TOR1AIP1: variants seen among roughly 807,000 people sequenced by gnomAD.
TOR1AIP1 encodes torsin 1A interacting protein 1.
In TOR1AIP1, 54 loss-of-function variants were observed where a neutral mutation model predicts 63.3. The observed-to-expected ratio is 0.85, with a 90% CI of 0.69 to 1.07. The LOEUF (loss-of-function observed/expected upper bound fraction) is 1.07. TOR1AIP1 is among the 50% of genes least tolerant of loss of function. The probability of loss-of-function intolerance (pLI) is 0.00; values close to 1 mark genes in which losing one functional copy is unlikely to be tolerated. For synonymous variants in TOR1AIP1, 294 were observed against 273.5 expected, an observed-to-expected ratio of 1.07 and a Z score of -0.74; for missense variants, 736 against 715.0, an observed-to-expected ratio of 1.03 and a Z score of -0.33.
At chr1:179,914,286 A>G (rs1648924300) in intron 9 of TOR1AIP1, among the ~76,000 whole-genome samples, 1 of 152,244 alleles carries the variant, frequency 6.6e-6, no homozygotes, top group African/African-American at 2.4e-5. Context: ...GACCAAAAAT[A>G]ATAGCTAAAA....
intron 8 of TOR1AIP1, among the ~76,000 whole-genome samples, chr1:179,910,894 A>G (rs374255555): frequency 8.5e-5 from 13 of 152,238 alleles, no homozygotes; most frequent in Non-Finnish European, 4.4e-5. Context: ...AGACACTGCA[A>G]TAGAGAAGGA....
intron 3 of TOR1AIP1, among the ~76,000 whole-genome samples, chr1:179,894,425 G>T (rs1648202029): frequency 6.6e-6 from 1 of 151,262 alleles, no homozygotes; most frequent in Non-Finnish European, 1.5e-5. Context: ...GGTGGCTCAT[G>T]CCTGTAATCC....
chr1:179,914,398 G>A (rs1349144569), intron 9 of TOR1AIP1, among the ~76,000 whole-genome samples: 3 of 152,202 alleles, frequency 2.0e-5, no homozygotes, highest in African/African-American at 7.2e-5. Context: ...TTCGGAGTCT[G>A]CAAACCTGTA....
chr1:179,918,014 C>T lies in TOR1AIP1; in HGVS notation c.1527C>T (p.Val509=), dbSNP rs1649078439. The part of the protein sequence containing the change: ...ENAAFKDVAL[V]LTVLLEEETL... Reference sequence around the variant, plus strand: ...CGGCCTTCAAAGATGTAGCCTTAGTCCTGACTGTCTTATTGGAGGAAGAGA... The same window carrying T: ...CGGCCTTCAAAGATGTAGCCTTAGTTCTGACTGTCTTATTGGAGGAAGAGA... Residue 509 remains valine, a synonymous_variant, in exon 10 of 10, where the codon GTC becomes GTT. Transcript: ENST00000606911. 1 of 1,614,188 alleles carries T rather than the reference C, an allele frequency of 6.2e-7. No homozygotes were observed. The highest frequency in any genetic ancestry group is 1.1e-5 in the South Asian group (1 of 91,080).
intron 9 of TOR1AIP1, among the ~76,000 whole-genome samples, chr1:179,914,576 A>G (rs1217583115): frequency 2.4e-4 from 36 of 152,200 alleles, no homozygotes; most frequent in Non-Finnish European, 4.4e-5. Context: ...CAGGCGGATC[A>G]TGAGATCAAG....
chr1:179,883,067 G>T (rs1359996167), intron 1 of TOR1AIP1, 90 bp downstream of exon 1: 44 of 1,175,296 alleles, frequency 3.7e-5, no homozygotes, highest in Non-Finnish European at 5.4e-5. Flanking sequence ...GCCCGCCTGG[G>T]TACTAAGTAC....
intron 5 of TOR1AIP1, among the ~76,000 whole-genome samples, chr1:179,901,748 A>G (rs777314401): frequency 2.0e-5 from 3 of 152,140 alleles, no homozygotes; most frequent in Non-Finnish European, 4.4e-5. Flanking sequence ...TTAATTATAT[A>G]ACTAGCTTTA....
At chr1:179,891,810 C>T (rs1648090060) in intron 3 of TOR1AIP1, among the ~76,000 whole-genome samples, 1 of 152,186 alleles carries the variant, frequency 6.6e-6, no homozygotes, top group Non-Finnish European at 1.5e-5. Flanking sequence ...AAGCAATCCA[C>T]CTGCCTCGGC....
intron 3 of TOR1AIP1, among the ~76,000 whole-genome samples, chr1:179,898,494 A>G (rs1023103849): frequency 1.3e-5 from 2 of 152,230 alleles, no homozygotes; most frequent in African/African-American, 2.4e-5. Context: ...ATGAAGTACT[A>G]TAATAATTAT....
At chr1:179,888,675 A>G (rs573218843) in intron 2 of TOR1AIP1, among the ~76,000 whole-genome samples, 1 of 150,726 alleles carries the variant, frequency 6.6e-6, no homozygotes, top group South Asian at 2.2e-4. Context: ...ATTTTGATAA[A>G]TATTTGGTTT....
chr1:179,888,957 G>A (rs148638596), intron 2 of TOR1AIP1, among the ~76,000 whole-genome samples: 1 of 152,318 alleles, frequency 6.6e-6, no homozygotes, highest in African/African-American at 2.4e-5. Context: ...ATGAGGGTCA[G>A]TCACAAATGG....
At chr1:179,910,182 C>T (rs1363714204) in intron 8 of TOR1AIP1, among the ~76,000 whole-genome samples, 2 of 152,196 alleles carry the variant, frequency 1.3e-5, no homozygotes, top group Admixed American at 1.3e-4. Flanking sequence ...AATGCGTCCA[C>T]GTTAAATCTC....
chr1:179,893,878 G>A (rs898289569), intron 3 of TOR1AIP1, among the ~76,000 whole-genome samples: 1 of 152,174 alleles, frequency 6.6e-6, no homozygotes, highest in East Asian at 1.9e-4. Flanking sequence ...ATGTAACAGA[G>A]ACCTTATGTG....
At chr1:179,905,496 A>G (rs893549232) in intron 6 of TOR1AIP1, among the ~76,000 whole-genome samples, 3 of 152,228 alleles carry the variant, frequency 2.0e-5, no homozygotes, top group East Asian at 1.9e-4. Context: ...GTTTGTGACT[A>G]TAAAATGAGA....
Position 179,919,235 on chromosome 1 carries a change from A to C in TOR1AIP1, c.*996A>C, listed in dbSNP as rs371811100. Reference sequence around the variant, plus strand: ...GCCGAGACCATGCTTATTGCCCTCCAGTCTGGGCAACAAAAATGAAACTCC... The same window carrying C: ...GCCGAGACCATGCTTATTGCCCTCCCGTCTGGGCAACAAAAATGAAACTCC... On this transcript the variant is annotated 3_prime_UTR_variant, in exon 10 of 10. Coordinates refer to ENST00000606911, the MANE Select transcript of TOR1AIP1 (RefSeq NM_015602.4). 1.3e-5 allele frequency: 2 copies of C among 152,122 alleles called. No individual in the cohort carries two copies. Among genetic ancestry groups the C allele is most frequent in the East Asian group, 1.9e-4 (1 of 5,186 alleles). 9.4% of individuals were successfully genotyped at this position (152,122 alleles called of 1,614,324 possible). A position where few individuals can be genotyped will look rare whatever the true frequency, so the allele number is the denominator to read the frequency against.
At chr1:179,884,481 T>A (rs1478638448) in intron 1 of TOR1AIP1, among the ~76,000 whole-genome samples, 3 of 151,442 alleles carry the variant, frequency 2.0e-5, no homozygotes, top group African/African-American at 7.3e-5. Context: ...ATGGCAAATA[T>A]TATTATATTC....
chr1:179,904,688 C>G (rs613184), intron 6 of TOR1AIP1: 100,049 of 151,726 alleles, frequency 0.66, 33,535 homozygotes, highest in East Asian at 0.76. Context: ...GTAGTGGTGC[C>G]GTCATGGTTC....
chr1:179,905,728 G>A (rs1648612338), intron 6 of TOR1AIP1, among the ~76,000 whole-genome samples: 1 of 152,122 alleles, frequency 6.6e-6, no homozygotes, highest in Admixed American at 6.5e-5. Flanking sequence ...CAAGGCAGGT[G>A]GATCACTTGA....
At chr1:179,907,563 A>C (rs1648677970) in intron 6 of TOR1AIP1, among the ~76,000 whole-genome samples, 1 of 128,714 alleles carries the variant, frequency 7.8e-6, no homozygotes, top group African/African-American at 2.8e-5. Context: ...TGAAGTTTAG[A>C]AATGAGGGGG....
Sources: allele counts gnomAD v4.1 joint callset (sites outside exome capture counted in the v4.1 genomes callset), GRCh38; gene constraint gnomAD v4.1.1; transcripts MANE v1.5; gene names NCBI Gene and HGNC (gene_info 2026-07-23, HGNC 2026-07-21).